Variants in GFRA1 observed in about 807,000 individuals in gnomAD.
GFRA1 encodes the protein GDNF family receptor alpha 1.
In GFRA1, 16 loss-of-function variants were observed where a neutral mutation model predicts 51.6. That is an observed-to-expected ratio of 0.31 (90% CI 0.21 to 0.47). The LOEUF (loss-of-function observed/expected upper bound fraction) is 0.47. GFRA1 is among the 20% of genes least tolerant of loss of function. GFRA1 has a pLI of 1.00. For missense variants in GFRA1, 530 were observed against 594.3 expected, an observed-to-expected ratio of 0.89 and a Z score of 1.13; for synonymous variants, 270 against 241.3, an observed-to-expected ratio of 1.12 and a Z score of -1.10.
intron 4 of GFRA1, among the ~76,000 whole-genome samples, chr10:116,267,342 T>C (rs1188341747): frequency 6.6e-6 from 1 of 151,924 alleles, no homozygotes; most frequent in African/African-American, 2.4e-5. Flanking sequence ...GGCAGGTGCA[T>C]GTAATCCCAG....
At chr10:116,115,814 G>A (rs1475535170) in intron 6 of GFRA1, among the ~76,000 whole-genome samples, 1 of 152,194 alleles carries the variant, frequency 6.6e-6, no homozygotes, top group African/African-American at 2.4e-5. Flanking sequence ...TGAGGGGCTT[G>A]CAGCTGGTGT....
chr10:116,194,365 C>A (rs1963551072), intron 5 of GFRA1, among the ~76,000 whole-genome samples: 1 of 152,184 alleles, frequency 6.6e-6, no homozygotes, highest in Non-Finnish European at 1.5e-5. Flanking sequence ...CCCACCCTCA[C>A]CTTGCTGGGT....
chr10:116,127,101 G>GAAAA (rs56387404), intron 5 of GFRA1, among the ~76,000 whole-genome samples: 1 of 149,296 alleles, frequency 6.7e-6, no homozygotes. Context: ...AGAAGAAAAT[G>GAAAA]AAAAAAAAAA....
chr10:116,192,324 C>CCTTTT (rs201015925), intron 5 of GFRA1, among the ~76,000 whole-genome samples: 2 of 152,248 alleles, frequency 1.3e-5, no homozygotes, highest in East Asian at 3.9e-4. Context: ...GCATATGAGG[C>CCTTTT]CTTTTGCCTG....
rs758119121 is a variant in GFRA1 at position 116,194,307 on chromosome 10, C to T, written c.433+17324G>A. On this transcript the variant is annotated intron_variant, in intron 5 of 10. Transcript: ENST00000355422. ...AAAATAACCCATGAATTCTTCCCCA[C>T]CAGATAGGCAAGCAAACAAAGCCAT... Among the ~76,000 whole-genome samples the T allele has an allele frequency of 1.1e-4, 17 of 152,252 alleles. No homozygotes were observed. The Middle Eastern group carries it at 0.01, about 91-fold the overall frequency.
intron 6 of GFRA1, among the ~76,000 whole-genome samples, chr10:116,117,772 G>A (rs1041006012): frequency 2.0e-5 from 3 of 152,166 alleles, no homozygotes; most frequent in Non-Finnish European, 1.5e-5. Context: ...AATGGAAGGA[G>A]AGAGAAATGG....
rs995476335 is a variant in GFRA1, at chr10:116,272,729, C to T, written c.-247+434G>A. ...AGCTCGCTCAGCCGCCGGCCCTCCC[C>T]ACTCCGATCGCCAATCCCTAGCCCC... On this transcript the variant is annotated intron_variant, in intron 1 of 10. Transcript: ENST00000355422. This position sits in a 1 kb window ranked among gnomAD's most constrained non-coding sequence, Gnocchi z 4.4. 1 of 152,682 alleles carries T rather than the reference C, an allele frequency of 6.5e-6. No individual in the cohort carries two copies. The highest frequency in any genetic ancestry group is 2.4e-5 in the African/African-American group (1 of 41,430). The allele number at this position is 152,682 out of a possible 1,614,324, so 9.5% of individuals were successfully genotyped here.
intron 5 of GFRA1, among the ~76,000 whole-genome samples, chr10:116,189,082 T>C (rs371032445): frequency 5.6e-4 from 81 of 145,090 alleles, no homozygotes; most frequent in African/African-American, 2.1e-3. Context: ...CAGGGAGACC[T>C]TGTCTCTTAA....
chr10:116,117,950 A>C (rs1224357881), intron 6 of GFRA1, among the ~76,000 whole-genome samples: 2 of 151,984 alleles, frequency 1.3e-5, no homozygotes, highest in Non-Finnish European at 2.9e-5. Context: ...CAACTCTCCA[A>C]CTTCTAAGTC....
chr10:116,087,712 T>C, intron 9 of GFRA1, among the ~76,000 whole-genome samples: 1 of 152,096 alleles, frequency 6.6e-6, no homozygotes, highest in Admixed American at 6.5e-5. Context: ...GACACCAGAA[T>C]CTGAATGGGC....
chr10:116,166,780 CT>C (rs530399969), intron 5 of GFRA1, among the ~76,000 whole-genome samples: 97 of 76,424 alleles, frequency 1.3e-3, no homozygotes, highest in African/African-American at 4.4e-3. Flanking sequence ...CAACAATCTT[CT>C]TTTTTTTTTT....
intron 9 of GFRA1, among the ~76,000 whole-genome samples, chr10:116,077,813 C>T (rs1955682421): frequency 6.6e-6 from 1 of 152,186 alleles, no homozygotes; most frequent in Admixed American, 6.5e-5. Context: ...GGGGGGACAG[C>T]TTGTCCTCCA....
At chr10:116,117,553 G>T (rs745733224) in intron 6 of GFRA1, among the ~76,000 whole-genome samples, 1 of 80,782 alleles carries the variant, frequency 1.2e-5, no homozygotes, top group African/African-American at 8.2e-5. Flanking sequence ...GGGTGGGTGG[G>T]TGTGTGGATG....
intron 5 of GFRA1, among the ~76,000 whole-genome samples, chr10:116,183,648 C>G (rs1962435783): frequency 6.6e-6 from 1 of 152,142 alleles, no homozygotes; most frequent in African/African-American, 2.4e-5. Flanking sequence ...CAGAAAGGCC[C>G]TGGGCTCTGG....
chr10:116,205,570 T>C (rs1964669233), intron 5 of GFRA1, among the ~76,000 whole-genome samples: 2 of 144,412 alleles, frequency 1.4e-5, no homozygotes, highest in Non-Finnish European at 3.0e-5. Flanking sequence ...CTAGACTTCA[T>C]CTCAAAAAAG....
At chr10:116,118,404 A>G (rs766099511) in intron 6 of GFRA1, among the ~76,000 whole-genome samples, 4 of 152,110 alleles carry the variant, frequency 2.6e-5, no homozygotes, top group Non-Finnish European at 2.9e-5. Context: ...GGAGGCCCCA[A>G]TATCTTGCCT....
rs998301649 is a variant in GFRA1 at position 116,060,815 on chromosome 10, C to CTAAT, written c.*3582_*3583insATTA. The CTAAT allele has an allele frequency of 1.7e-5, 1 of 59,126 alleles. No individual in the cohort carries two copies. The highest frequency in any genetic ancestry group is 2.9e-5 in the Non-Finnish European group (1 of 34,598). The allele number at this position is 59,126 out of a possible 1,614,324, so 3.7% of individuals were successfully genotyped here. On this transcript the variant is annotated 3_prime_UTR_variant, in exon 11 of 11. Coordinates refer to ENST00000355422, the MANE Select transcript of GFRA1 (RefSeq NM_005264.8). ...ATTGATTCAAGTACATCGTGCATGT[C>CTAAT]TAACTAACTGCATGAATGAAAACTT... is the stretch of plus-strand genomic sequence containing the variant.
intron 5 of GFRA1, among the ~76,000 whole-genome samples, chr10:116,128,237 T>G (rs1237974804): frequency 6.6e-6 from 1 of 152,218 alleles, no homozygotes; most frequent in Non-Finnish European, 1.5e-5. Flanking sequence ...CATTTCATTG[T>G]TTTCAAAGTT....
At chr10:116,176,568 C>T (rs187734051) in intron 5 of GFRA1, among the ~76,000 whole-genome samples, 32 of 152,260 alleles carry the variant, frequency 2.1e-4, no homozygotes, top group African/African-American at 7.2e-4. Context: ...TTCCTGAGGC[C>T]TCACAGAAGC....
Sources: allele counts gnomAD v4.1 joint callset (sites outside exome capture counted in the v4.1 genomes callset), GRCh38; gene constraint gnomAD v4.1.1; non-coding constraint Gnocchi (gnomAD v3.1); transcripts MANE v1.5; gene names NCBI Gene and HGNC (gene_info 2026-07-23, HGNC 2026-07-21).